Variants in KIF1A observed in about 807,000 individuals in gnomAD.
KIF1A encodes kinesin family member 1A.
KIF1A carries 46 observed loss-of-function variants against 227.3 expected under a neutral mutation model. The ratio of observed to expected loss-of-function variants is 0.20; its 90% CI spans 0.16 to 0.26. KIF1A has a LOEUF of 0.26. KIF1A is among the 10% of genes least tolerant of loss of function. The pLI is 1.00. For missense variants in KIF1A, 1,683 were observed against 2,485.9 expected (o/e 0.68, Z 6.87); for synonymous variants, 1,022 against 1,012.8 (o/e 1.01, Z -0.17).
chr2:240,735,880 C>T (rs929815419), intron 38 of KIF1A, among the ~76,000 whole-genome samples: 27 of 152,066 alleles, frequency 1.8e-4, no homozygotes, highest in African/African-American at 6.5e-4. Context: ...TCTCCACCCT[C>T]CTATGGACAT....
chr2:240,779,876 C>T (rs554283256), intron 10 of KIF1A, among the ~76,000 whole-genome samples: 1 of 152,246 alleles, frequency 6.6e-6, no homozygotes, highest in South Asian at 2.1e-4. Context: ...TGGCTCCACA[C>T]GCAGGCTGTC....
rs2049957957 is a variant in KIF1A at position 240,757,274 on chromosome 2, A to G, written c.2858+45T>C. ...GTGCCCGCAGCAGTGCTCCTGTGCA[A>G]AAGAGCTGGGTCCTCCCCAGCATGC... On this transcript the variant is annotated intron_variant, in intron 27 of 48. Coordinates refer to ENST00000498729, the MANE Select transcript of KIF1A (RefSeq NM_001244008.2). This position sits in a 1 kb window ranked among gnomAD's most constrained non-coding sequence, Gnocchi z 6.2. The G allele has an allele frequency of 2.0e-6, 3 of 1,527,434 alleles. No homozygotes were observed. Among genetic ancestry groups the G allele is most frequent in the South Asian group, 2.4e-5 (2 of 82,488 alleles). The allele number at this position is 1,527,434 out of a possible 1,614,324, so 94.6% of individuals were successfully genotyped here.
intron 29 of KIF1A, 103 bp from the exon 30 acceptor site, chr2:240,746,280 CT>C: frequency 1.4e-6 from 2 of 1,411,510 alleles, no homozygotes; most frequent in Non-Finnish European, 1.9e-6. Context: ...CACCCAGAGC[CT>C]GGGCTGGGGC....
At chr2:240,782,637 G>A (rs2054220064) in intron 9 of KIF1A, 30 bp from the exon 10 acceptor site, 1 of 1,550,776 alleles carries the variant, frequency 6.4e-7, no homozygotes, top group African/African-American at 1.4e-5. Flanking sequence ...GAGAGGCTGA[G>A]GCCCGGAGCG....
intron 20 of KIF1A, 81 bp from the exon 21 acceptor site, chr2:240,763,427 G>T: frequency 1.5e-6 from 2 of 1,366,882 alleles, no homozygotes; most frequent in Non-Finnish European, 2.0e-6. Context: ...GGCGTGAGGA[G>T]AAAGGGGAAC....
chr2:240,797,897 T>G, intron 1 of KIF1A, 85 bp from the exon 2 acceptor site: 1 of 604,038 alleles, frequency 1.7e-6, no homozygotes, highest in Non-Finnish European at 3.0e-6. Flanking sequence ...CCACAGGTCT[T>G]TTCCACTCCC....
Position 240,745,929 on chromosome 2 carries a change from G to C in KIF1A, c.3203-20C>G. On this transcript the variant is annotated intron_variant, in intron 30 of 48. Transcript: ENST00000498729. The stretch of plus-strand genomic sequence containing the variant: ...GCACTGCTGCTGGGAGTCAAGGAGA[G>C]AGTCATGGACCTCCAGGCCATATTG... 6.3e-7 allele frequency: 1 copy of C among 1,596,450 alleles called. No individual in the cohort carries two copies. Among genetic ancestry groups the C allele is most frequent in the Non-Finnish European group, 8.5e-7 (1 of 1,169,884 alleles).
chr2:240,794,641 A>G (rs1338793847), intron 2 of KIF1A, among the ~76,000 whole-genome samples: 3 of 152,252 alleles, frequency 2.0e-5, no homozygotes, highest in Non-Finnish European at 4.4e-5. Context: ...CACCAAGGTG[A>G]ACGTTTCAAA....
chr2:240,757,368 C>A lies in KIF1A; in HGVS notation c.2809G>T (p.Gly937Cys), dbSNP rs1350306625. ...DVFPEHALCD[G>C]RDPFYDRPPL... ...GGCCGGTCGTAAAACGGGTCCCGGC[C>A]GTCGCACAGCGCGTGCTCCGGAAAG... The change falls in exon 27 of 49, where the codon GGC becomes TGC. Residue 937 changes from glycine to cysteine, a missense_variant. Around this residue, in one of 12 missense-constraint regions of KIF1A, gnomAD observed 759 missense variants for 1,020.2 expected, o/e 0.74. Coordinates refer to ENST00000498729, the MANE Select transcript of KIF1A (RefSeq NM_001244008.2). This position sits in a 1 kb window ranked among gnomAD's most constrained non-coding sequence, Gnocchi z 6.2. The A allele has an allele frequency of 1.3e-6, 2 of 1,550,526 alleles. No homozygotes were observed. Among genetic ancestry groups the A allele is most frequent in the Non-Finnish European group, 1.7e-6 (2 of 1,147,046 alleles).
chr2:240,719,201 G>A lies in KIF1A; in HGVS notation c.5022-3C>T. 6.2e-7 allele frequency: 1 copy of A among 1,600,562 alleles called. No individual in the cohort carries two copies. Among genetic ancestry groups the A allele is most frequent in the Non-Finnish European group, 8.5e-7 (1 of 1,172,596 alleles). On this transcript the variant is annotated splice_polypyrimidine_tract_variant and splice_region_variant and intron_variant, in intron 46 of 48. Coordinates refer to ENST00000498729, the MANE Select transcript of KIF1A (RefSeq NM_001244008.2). ...ACCCCTTCTTGGAAACGATCGGGCT[G>A]AAGGCAGAGAGAGCTGCTCGCTGGG... is the stretch of plus-strand genomic sequence containing the variant.
chr2:240,806,367 T>C (rs1048001444), intron 1 of KIF1A, among the ~76,000 whole-genome samples: 10 of 152,200 alleles, frequency 6.6e-5, no homozygotes, highest in Non-Finnish European at 1.5e-4. Flanking sequence ...GACTGGGCCG[T>C]TGTAATCTGA....
chr2:240,767,664 TG>T (rs1436474069), intron 17 of KIF1A, among the ~76,000 whole-genome samples: 3 of 152,248 alleles, frequency 2.0e-5, no homozygotes, highest in Non-Finnish European at 2.9e-5. Flanking sequence ...TCTCAGCATG[TG>T]GGGGCCCTGG....
chr2:240,724,237 G>A, intron 40 of KIF1A: 1 of 617,578 alleles, frequency 1.6e-6, no homozygotes, highest in East Asian at 2.8e-5. Context: ...AAGATGCATT[G>A]GCTGGTCTTG....
Position 240,790,702 on chromosome 2 carries a change from AAG to A in KIF1A, c.107-1392_107-1391del, listed in dbSNP as rs1402679001. 6.6e-6 allele frequency among the ~76,000 whole-genome samples: 1 copy of A among 152,076 alleles called. No homozygotes were observed. The highest frequency in any genetic ancestry group is 1.5e-5 in the Non-Finnish European group (1 of 68,020). ...ATCTAGTGCTGCCATGTCCTTATAA[AAG>A]AGGAGATTTGGAGACAGGGAGGGTG... On this transcript the variant is annotated intron_variant, in intron 2 of 48. Transcript: ENST00000498729. The surrounding 1 kb of genome is among the most constrained non-coding windows in gnomAD (Gnocchi z 5.0).
Position 240,788,220 on chromosome 2 carries a change from A to T in KIF1A, c.194T>A (p.Ile65Asn). The change falls in exon 4 of 49, where the codon ATC becomes AAC. Residue 65 changes from isoleucine (I) to asparagine (N), a missense_variant. By Grantham distance (149) the Ile-to-Asn change is moderately radical. This residue lies in a region of KIF1A where 71 missense variants were observed against 129.1 expected (regional missense o/e 0.55). Transcript: ENST00000498729. This position sits in a 1 kb window ranked among gnomAD's most constrained non-coding sequence, Gnocchi z 6.6. ...CACCTGCTTCTGCGACGCGTAGTTG[A>T]TGTCCTCAGGCTGGAGGACGAGGAA... is the stretch of plus-strand genomic sequence containing the variant. Reference protein sequence around the residue: ...SYWSHTSPEDINYASQKQVYR... With the variant: ...SYWSHTSPEDNNYASQKQVYR... 1 of 1,613,718 alleles carries T rather than the reference A, an allele frequency of 6.2e-7. No individual in the cohort carries two copies. The highest frequency in any genetic ancestry group is 8.5e-7 in the Non-Finnish European group (1 of 1,179,822).
chr2:240,786,148 C>T (rs144720303), intron 6 of KIF1A, among the ~76,000 whole-genome samples, 187 bp downstream of exon 6: 9 of 152,328 alleles, frequency 5.9e-5, no homozygotes, highest in Non-Finnish European at 1.3e-4. Flanking sequence ...GTCCCCTGCA[C>T]AGGGGGAGCC....
At position 240,789,345 on chromosome 2, in the gene KIF1A, G is replaced by A. The variant is rs1327904394; in HGVS notation, c.107-33C>T. ...AGGGAACACAGGTGGTTAGCGCTGT[G>A]CTGGGAGGGCCCCTGACTAGCTGGC... On this transcript the variant is annotated intron_variant, in intron 2 of 48. Transcript: ENST00000498729. This position sits in a 1 kb window ranked among gnomAD's most constrained non-coding sequence, Gnocchi z 4.8. The A allele has an allele frequency of 5.1e-6, 8 of 1,558,150 alleles. No individual in the cohort carries two copies. Among genetic ancestry groups the A allele is most frequent in the Admixed American group, 5.0e-5 (3 of 59,872 alleles).
Position 240,747,246 on chromosome 2 carries a change from T to G in KIF1A, c.3053A>C (p.His1018Pro), listed in dbSNP as rs201846946. The change falls in exon 29 of 49, where the codon CAT becomes CCT. Residue 1018 changes from histidine (H) to proline (P), a missense_variant. Physicochemically the swap from His to Pro is moderately conservative, Grantham distance 77. This residue lies in a region of KIF1A where 759 missense variants were observed against 1,020.2 expected (regional missense o/e 0.74). Coordinates refer to ENST00000498729, the MANE Select transcript of KIF1A (RefSeq NM_001244008.2). The part of the protein sequence containing the change: ...GTAKISFDDQ[H>P]FEKFQSESCP... ...GAGGGAGCTTGGTACCTTTTCAAAA[T>G]GCTGGTCATCAAAGGAGATTTTAGC... is the stretch of plus-strand genomic sequence containing the variant. 9.1e-5 allele frequency: 146 copies of G among 1,613,178 alleles called. No individual in the cohort carries two copies. The highest frequency in any genetic ancestry group is 2.5e-6 in the Non-Finnish European group (3 of 1,179,476).
intron 27 of KIF1A, among the ~76,000 whole-genome samples, chr2:240,750,943 C>A (rs1481434894): frequency 6.6e-6 from 1 of 152,188 alleles, no homozygotes; most frequent in Non-Finnish European, 1.5e-5. Context: ...GCCAGCATCG[C>A]TCTGCCTCCT....
Sources: gnomAD v4.1 joint callset for allele counts (sites outside exome capture counted in the v4.1 genomes callset) on GRCh38, gnomAD v4.1.1 for gene constraint, gnomAD v4.1.1 regional missense constraint, Gnocchi (gnomAD v3.1) non-coding constraint, MANE v1.5 for transcripts, NCBI Gene and HGNC (gene_info 2026-07-23, HGNC 2026-07-21) for gene names.